The following UNC5C variants were observed in gnomAD, a reference collection of about 807,000 sequenced individuals.
The protein encoded by UNC5C is unc-5 netrin receptor C.
Under a neutral mutation model 99.8 loss-of-function variants are expected in UNC5C, and 47 were observed. That is an observed-to-expected ratio of 0.47 (90% CI 0.37 to 0.60). The LOEUF (loss-of-function observed/expected upper bound fraction) is 0.60. UNC5C is among the 20% of genes least tolerant of loss of function. The probability of loss-of-function intolerance (pLI) is 0.00; values close to 1 mark genes in which losing one functional copy is unlikely to be tolerated. For synonymous variants in UNC5C, 487 were observed against 452.2 expected, an observed-to-expected ratio of 1.08 and a Z score of -0.98; for missense variants, 1,062 against 1,165.9, an observed-to-expected ratio of 0.91 and a Z score of 1.30.
chr4:95,302,747 T>C (rs754513360), intron 2 of UNC5C, among the ~76,000 whole-genome samples: 12 of 152,236 alleles, frequency 7.9e-5, no homozygotes, highest in Non-Finnish European at 2.9e-5. Flanking sequence ...TGTCCATCTA[T>C]TCATTTATTC....
intron 12 of UNC5C, among the ~76,000 whole-genome samples, chr4:95,202,071 G>A (rs867222496): frequency 2.0e-5 from 3 of 152,028 alleles, no homozygotes; most frequent in African/African-American, 4.8e-5. Context: ...TGATGCCTCC[G>A]TCTCCTGAGC....
chr4:95,252,848 C>G (rs901209430), intron 4 of UNC5C, among the ~76,000 whole-genome samples: 2 of 152,236 alleles, frequency 1.3e-5, no homozygotes, highest in Non-Finnish European at 2.9e-5. Flanking sequence ...ACATGAGTGA[C>G]TCACATAGTG....
intron 1 of UNC5C, among the ~76,000 whole-genome samples, chr4:95,476,924 T>C (rs1216828560): frequency 6.6e-6 from 1 of 152,056 alleles, no homozygotes; most frequent in Non-Finnish European, 1.5e-5. Context: ...TTCCACAACC[T>C]TGTATGGGGA....
At chr4:95,187,783 TA>T (rs1736894798) in intron 12 of UNC5C, among the ~76,000 whole-genome samples, 1 of 152,162 alleles carries the variant, frequency 6.6e-6, no homozygotes. Flanking sequence ...ACTCCTTCCA[TA>T]GACTTAAGCT....
intron 1 of UNC5C, among the ~76,000 whole-genome samples, chr4:95,423,277 C>T (rs769563352): frequency 6.6e-6 from 1 of 152,168 alleles, no homozygotes; most frequent in Admixed American, 6.5e-5. Context: ...TTAAAGACAA[C>T]AGTGCTTTGG....
chr4:95,323,800 G>A (rs1742785025), intron 2 of UNC5C, among the ~76,000 whole-genome samples: 1 of 152,162 alleles, frequency 6.6e-6, no homozygotes, highest in Non-Finnish European at 1.5e-5. Flanking sequence ...CACTTTGGGA[G>A]GCCAAGGCAG....
At chr4:95,467,490 G>A (rs188252816) in intron 1 of UNC5C, among the ~76,000 whole-genome samples, 1 of 152,206 alleles carries the variant, frequency 6.6e-6, no homozygotes, top group East Asian at 1.9e-4. Context: ...CATTATCACT[G>A]GAAGTTACAA....
Position 95,475,161 on chromosome 4 carries a change from A to G in UNC5C, c.124+73573T>C, listed in dbSNP as rs78108494. Among the ~76,000 whole-genome samples, 872 of 152,062 alleles carry G rather than the reference A, an allele frequency of 5.7e-3. 10 individuals are homozygous for G. Among genetic ancestry groups the G allele is most frequent in the African/African-American group, 0.02 (818 of 41,504 alleles). On this transcript the variant is annotated intron_variant, in intron 1 of 15. Coordinates refer to ENST00000453304, the MANE Select transcript of UNC5C (RefSeq NM_003728.4). ...TAGGTCAAATGCCTCAACTTTCCCA[A>G]TGATGAAGGGATAATCTAGTCTTAA...
At position 95,199,339 on chromosome 4, in the gene UNC5C, C is replaced by T. The variant is rs140404245; in HGVS notation, c.2136+3392G>A. 6.9e-3 allele frequency among the ~76,000 whole-genome samples: 1,047 copies of T among 152,188 alleles called. 11 individuals are homozygous for T. The highest frequency in any genetic ancestry group is 0.024 in the African/African-American group (992 of 41,482). On this transcript the variant is annotated intron_variant, in intron 12 of 15. Transcript: ENST00000453304. ...GATGGCGTGACTGAAATAATTGTCT[C>T]TTCGGTATGTTGGAGAGGCCATTTG... is the stretch of plus-strand genomic sequence containing the variant.
chr4:95,479,354 T>A (rs1443200267), intron 1 of UNC5C, among the ~76,000 whole-genome samples: 1 of 152,014 alleles, frequency 6.6e-6, no homozygotes, highest in Non-Finnish European at 1.5e-5. Context: ...TATGGAATTT[T>A]AGACCATTGG....
At chr4:95,228,650 T>C (rs905363723) in intron 7 of UNC5C, among the ~76,000 whole-genome samples, 3 of 152,152 alleles carry the variant, frequency 2.0e-5, no homozygotes, top group Admixed American at 1.3e-4. Context: ...TTAAGTACTA[T>C]GTGAGCAATA....
chr4:95,384,746 C>T (rs1011011276), intron 1 of UNC5C, among the ~76,000 whole-genome samples: 1 of 151,928 alleles, frequency 6.6e-6, no homozygotes, highest in African/African-American at 2.4e-5. Flanking sequence ...AGACAGAAAG[C>T]GGGTGAGTAG....
chr4:95,444,280 G>T (rs1479014169), intron 1 of UNC5C, among the ~76,000 whole-genome samples: 1 of 151,782 alleles, frequency 6.6e-6, no homozygotes, highest in African/African-American at 2.4e-5. Flanking sequence ...CTTATAAAGT[G>T]GGGATACTTG....
Position 95,510,432 on chromosome 4 carries a change from T to C in UNC5C, c.124+38302A>G, listed in dbSNP as rs187488174. On this transcript the variant is annotated intron_variant, in intron 1 of 15. Coordinates refer to ENST00000453304, the MANE Select transcript of UNC5C (RefSeq NM_003728.4). ...GCTATAGCTAATAATCATTCTTTTT[T>C]TCCTTAATTTTTTATTCAAAACTAT... Among the ~76,000 whole-genome samples the C allele has an allele frequency of 2.9e-3, 438 of 148,554 alleles. 1 individual carries two copies. Among genetic ancestry groups the C allele is most frequent in the African/African-American group, 0.011 (425 of 38,216 alleles).
At chr4:95,388,636 T>G (rs1463852534) in intron 1 of UNC5C, among the ~76,000 whole-genome samples, 2 of 152,182 alleles carry the variant, frequency 1.3e-5, no homozygotes, top group Non-Finnish European at 1.5e-5. Flanking sequence ...CCACTAGTCT[T>G]GTAGAGTAAC....
At position 95,521,453 on chromosome 4, in the gene UNC5C, G is replaced by T. The variant is rs1360360272; in HGVS notation, c.124+27281C>A. ...GGCTGGTCTTGAACTCCTGACCTCA[G>T]GTGATCCACCTGGCTCGGCCTCCCA... On this transcript the variant is annotated intron_variant, in intron 1 of 15. Coordinates refer to ENST00000453304, the MANE Select transcript of UNC5C (RefSeq NM_003728.4). 2.6e-5 allele frequency among the ~76,000 whole-genome samples: 4 copies of T among 151,580 alleles called. No individual in the cohort carries two copies. The East Asian group carries it at 7.8e-4, about 29-fold the overall frequency.
Position 95,453,857 on chromosome 4 carries a change from T to C in UNC5C, c.124+94877A>G, listed in dbSNP as rs182339297. 1.3e-4 allele frequency among the ~76,000 whole-genome samples: 20 copies of C among 152,242 alleles called. No individual in the cohort carries two copies. The East Asian group carries it at 2.9e-3, about 22-fold the overall frequency. On this transcript the variant is annotated intron_variant, in intron 1 of 15. Transcript: ENST00000453304. ...TAGGATTTCACATCCTAGTCCTCCA[T>C]GTCTCATTCCTCAAGAAAAATGAGG...
At chr4:95,302,852 C>A (rs1741926755) in intron 2 of UNC5C, among the ~76,000 whole-genome samples, 1 of 152,142 alleles carries the variant, frequency 6.6e-6, no homozygotes, top group Non-Finnish European at 1.5e-5. Flanking sequence ...CCTCAATGAA[C>A]TTATGTTATT....
intron 3 of UNC5C, 21 bp downstream of exon 3, chr4:95,301,585 G>T: frequency 6.2e-7 from 1 of 1,613,672 alleles, no homozygotes; most frequent in Non-Finnish European, 8.5e-7. Context: ...GACCCAAGGT[G>T]CTTATTGTAC....
Sources: gnomAD v4.1 joint callset for allele counts (sites outside exome capture counted in the v4.1 genomes callset) on GRCh38, gnomAD v4.1.1 for gene constraint, MANE v1.5 for transcripts, NCBI Gene and HGNC (gene_info 2026-07-23, HGNC 2026-07-21) for gene names.